Variants in KPNA7 observed in about 807,000 individuals in gnomAD.
The protein encoded by KPNA7 is importin subunit alpha-8.
KPNA7 carries 54 observed loss-of-function variants against 53.7 expected under a neutral mutation model. The observed-to-expected ratio is 1.01, with a 90% CI of 0.81 to 1.26. KPNA7 has a LOEUF of 1.26. Ranked by LOEUF, KPNA7 falls within the 50% of genes most tolerant of loss-of-function variation. The pLI is 0.00. For missense variants in KPNA7, 640 were observed against 644.5 expected, an observed-to-expected ratio of 0.99 and a Z score of 0.07; for synonymous variants, 276 against 259.3, an observed-to-expected ratio of 1.06 and a Z score of -0.62.
At chr7:99,176,937 A>T (rs1798928663) in intron 10 of KPNA7, among the ~76,000 whole-genome samples, 1 of 152,180 alleles carries the variant, frequency 6.6e-6, no homozygotes, top group Admixed American at 6.6e-5. Flanking sequence ...ACCCATGTTC[A>T]TAGCAGTGTA....
At chr7:99,172,467 C>A (rs1798787018), downstream of KPNA7, among the ~76,000 whole-genome samples, 2 of 152,140 alleles carry the variant, frequency 1.3e-5, no homozygotes, top group South Asian at 2.1e-4. Flanking sequence ...GTAATCCCAG[C>A]ACTTTGGGAG....
chr7:99,147,474 A>G, the KPNA7 span, among the ~76,000 whole-genome samples: 2 of 152,240 alleles, frequency 1.3e-5, no homozygotes, highest in Non-Finnish European at 2.9e-5. Flanking sequence ...TGTATACTCT[A>G]TCCATACAAC....
At chr7:99,214,453 AAAAAAC>A (rs1184649001) in intron 1 of KPNA7, among the ~76,000 whole-genome samples, 4 of 131,362 alleles carry the variant, frequency 3.0e-5, no homozygotes, top group South Asian at 3.0e-4. Context: ...AAAAAAAAAC[AAAAAAC>A]AAAAACAAAA....
At chr7:99,190,112 G>C (rs1484134857) in intron 6 of KPNA7, among the ~76,000 whole-genome samples, 1 of 152,026 alleles carries the variant, frequency 6.6e-6, no homozygotes, top group Non-Finnish European at 1.5e-5. Flanking sequence ...GCCGAGGCAG[G>C]TGGATCATGA....
chr7:99,169,217 G>C (rs371220947), downstream of KPNA7, among the ~76,000 whole-genome samples: 1 of 152,128 alleles, frequency 6.6e-6, no homozygotes. Context: ...TAGCCCCCAG[G>C]CTGAAAGCTT....
At chr7:99,160,729 G>A in the KPNA7 span, among the ~76,000 whole-genome samples, 1 of 152,142 alleles carries the variant, frequency 6.6e-6, no homozygotes, top group Non-Finnish European at 1.5e-5. Context: ...GAGAACAAAT[G>A]ATCCACTCCA....
chr7:99,202,522 G>C (rs12705036), intron 3 of KPNA7, among the ~76,000 whole-genome samples: 12,061 of 152,090 alleles, frequency 0.079, 514 homozygotes, highest in South Asian at 0.15. Context: ...TTCAGGCTTA[G>C]GGATAGCAAG....
At chr7:99,165,742 A>G in the KPNA7 span, among the ~76,000 whole-genome samples, 1 of 152,130 alleles carries the variant, frequency 6.6e-6, no homozygotes, top group Non-Finnish European at 1.5e-5. Flanking sequence ...ATCAAGCCCA[A>G]TCCCTTTGAG....
the KPNA7 span, among the ~76,000 whole-genome samples, chr7:99,151,076 G>A: frequency 2.0e-5 from 3 of 152,208 alleles, no homozygotes; most frequent in East Asian, 5.8e-4. Flanking sequence ...TCCGGTTTGT[G>A]TGAGGGAGGG....
At position 99,178,006 on chromosome 7, in the gene KPNA7, T is replaced by C. The variant is rs1244825216; in HGVS notation, c.1378A>G (p.Ile460Val). 1 of 1,551,718 alleles carries C rather than the reference T, an allele frequency of 6.4e-7. No homozygotes were observed. The highest frequency in any genetic ancestry group is 8.7e-7 in the Non-Finnish European group (1 of 1,147,012). The change falls in exon 10 of 11, where the codon ATC (isoleucine) becomes GTC (valine). Residue 460 changes from isoleucine (I) to valine (V), a missense_variant. Coordinates refer to ENST00000327442, the MANE Select transcript of KPNA7 (RefSeq NM_001145715.3). Reference protein sequence around the residue: ...LCLLIEELGGIDRIEALQLHE... With the variant: ...LCLLIEELGGVDRIEALQLHE... ...AGCTGTAAAGCCTCAATTCTATCGA[T>C]CCCACCAAGTTCTTCTATCAGAAGA...
At chr7:99,213,189 C>T (rs1357817125) in intron 1 of KPNA7, among the ~76,000 whole-genome samples, 1 of 149,112 alleles carries the variant, frequency 6.7e-6, no homozygotes, top group African/African-American at 2.5e-5. Flanking sequence ...TGCAGTGGGT[C>T]GATCCCAGCT....
At chr7:99,217,344 T>A (rs753080212) in intron 1 of KPNA7, among the ~76,000 whole-genome samples, 2 of 152,232 alleles carry the variant, frequency 1.3e-5, no homozygotes, top group Admixed American at 6.5e-5. Flanking sequence ...TATCTGTATG[T>A]TCAGATCTGC....
chr7:99,192,896 G>T, intron 6 of KPNA7, 123 bp downstream of exon 6: 1 of 613,796 alleles, frequency 1.6e-6, no homozygotes, highest in South Asian at 2.5e-5. Context: ...TGAGAGGTAG[G>T]AGGATTGCTT....
At chr7:99,197,020 A>AAACAACAACAAC (rs139221110) in intron 3 of KPNA7, among the ~76,000 whole-genome samples, 6 of 151,030 alleles carry the variant, frequency 4.0e-5, no homozygotes, top group African/African-American at 1.5e-4. Flanking sequence ...ATATGCTTAA[A>AAACAACAACAAC]AACAACAACA....
chr7:99,212,861 A>C (rs112689157), upstream of KPNA7, among the ~76,000 whole-genome samples: 526 of 152,290 alleles, frequency 3.5e-3, 3 homozygotes, highest in South Asian at 1.0e-2. Context: ...ACTGCACTCC[A>C]GCATGGGTGA....
At chr7:99,178,329 G>A (rs1226205220) in intron 9 of KPNA7, among the ~76,000 whole-genome samples, 1 of 152,142 alleles carries the variant, frequency 6.6e-6, no homozygotes, top group Non-Finnish European at 1.5e-5. Context: ...AACACTTTGG[G>A]AGGCTGAGGC....
At chr7:99,200,709 C>A (rs1303213380) in intron 3 of KPNA7, among the ~76,000 whole-genome samples, 3 of 152,200 alleles carry the variant, frequency 2.0e-5, no homozygotes, top group African/African-American at 7.2e-5. Context: ...GACACGGTGG[C>A]TCACACCTGT....
chr7:99,146,440 A>C, the KPNA7 span, among the ~76,000 whole-genome samples: 10 of 152,146 alleles, frequency 6.6e-5, no homozygotes, highest in East Asian at 1.2e-3. Context: ...GAGGCCGGGC[A>C]TGGTGGTTCA....
chr7:99,156,659 G>T, the KPNA7 span, among the ~76,000 whole-genome samples: 3 of 151,592 alleles, frequency 2.0e-5, no homozygotes, highest in Admixed American at 6.6e-5. Flanking sequence ...AAAGTAGCTG[G>T]GATTATAGGT....
Sources: allele counts gnomAD v4.1 joint callset (sites outside exome capture counted in the v4.1 genomes callset), GRCh38; gene constraint gnomAD v4.1.1; transcripts MANE v1.5; gene names NCBI Gene and HGNC (gene_info 2026-07-23, HGNC 2026-07-21).